Variants in LEF1 observed in about 807,000 individuals in gnomAD.
LEF1 encodes lymphoid enhancer-binding factor 1.
A neutral mutation model predicts 51.2 loss-of-function variants in LEF1; 14 were observed. The observed-to-expected ratio is 0.27, with a 90% CI of 0.18 to 0.43. LEF1 has a LOEUF of 0.43. Ranked by LOEUF, LEF1 falls within the 20% of genes least tolerant of loss-of-function variation. LEF1 has a pLI of 1.00. For missense variants in LEF1, 386 were observed against 512.0 expected (o/e 0.75, Z 2.37); for synonymous variants, 185 against 183.2 (o/e 1.01, Z -0.08).
rs192669164 is a variant in LEF1 at position 108,117,691 on chromosome 4, C to T, written c.415-28434G>A. 3.3e-5 allele frequency among the ~76,000 whole-genome samples: 5 copies of T among 152,302 alleles called. No individual in the cohort carries two copies. In the East Asian group the frequency reaches 9.6e-4, roughly 29 times the overall value. On this transcript the variant is annotated intron_variant, in intron 3 of 11. Coordinates refer to ENST00000265165, the MANE Select transcript of LEF1 (RefSeq NM_016269.5). ...TCAAACGACCTCCTGCTGAGCAGAA[C>T]TGGCCAGAGAGAAGCTTTGCGGGGA...
At chr4:108,073,103 T>C (rs1343118241) in intron 8 of LEF1, among the ~76,000 whole-genome samples, 1 of 152,166 alleles carries the variant, frequency 6.6e-6, no homozygotes, top group Non-Finnish European at 1.5e-5. Flanking sequence ...GCAATATTTA[T>C]GGTAGGGTGC....
intron 3 of LEF1, among the ~76,000 whole-genome samples, chr4:108,101,754 T>C (rs1302161933): frequency 6.6e-6 from 1 of 152,176 alleles, no homozygotes; most frequent in African/African-American, 2.4e-5. Context: ...TATTTTGTAG[T>C]TCTGACACTA....
intron 8 of LEF1, among the ~76,000 whole-genome samples, chr4:108,073,948 C>G (rs1189589269): frequency 6.6e-6 from 1 of 151,980 alleles, no homozygotes; most frequent in East Asian, 1.9e-4. Flanking sequence ...GCCTCAGCCT[C>G]CCTAGTAGCT....
At chr4:108,160,903 C>G (rs573187697) in intron 3 of LEF1, among the ~76,000 whole-genome samples, 5 of 152,240 alleles carry the variant, frequency 3.3e-5, no homozygotes, top group South Asian at 2.1e-4. Context: ...GTCCCTCCCC[C>G]ACCCCAGGTG....
intron 3 of LEF1, among the ~76,000 whole-genome samples, chr4:108,149,698 G>A (rs1446474002): frequency 2.7e-5 from 4 of 149,218 alleles, no homozygotes; most frequent in African/African-American, 9.9e-5. Context: ...TACAACTGAT[G>A]ACACAGACCT....
chr4:108,091,375 CTATCT>C, intron 3 of LEF1, among the ~76,000 whole-genome samples: 1 of 151,754 alleles, frequency 6.6e-6, no homozygotes, highest in Non-Finnish European at 1.5e-5. Flanking sequence ...TTCTTATACC[CTATCT>C]TATAAGAAAA....
intron 3 of LEF1, among the ~76,000 whole-genome samples, chr4:108,097,651 T>C (rs764621945): frequency 1.4e-4 from 21 of 152,144 alleles, no homozygotes; most frequent in Non-Finnish European, 2.6e-4. Flanking sequence ...CTGGACATGA[T>C]TACTACACCT....
chr4:108,083,272 C>A, intron 5 of LEF1, 84 bp downstream of exon 5: 2 of 915,704 alleles, frequency 2.2e-6, no homozygotes, highest in South Asian at 2.6e-5. Flanking sequence ...CAAGTGTTAC[C>A]ATTCATAAAT....
chr4:108,150,708 C>G (rs1744316033), intron 3 of LEF1, among the ~76,000 whole-genome samples: 2 of 152,162 alleles, frequency 1.3e-5, no homozygotes, highest in Non-Finnish European at 2.9e-5. Context: ...ACTTATTAAA[C>G]TCTGGTTGGG....
intron 7 of LEF1, 102 bp from the exon 8 acceptor site, chr4:108,078,484 G>C: frequency 1.4e-6 from 2 of 1,466,802 alleles, no homozygotes; most frequent in African/African-American, 2.8e-5. Context: ...GCTACACTCA[G>C]GATGGCGACA....
chr4:108,135,400 A>G (rs1047087161), intron 3 of LEF1, among the ~76,000 whole-genome samples: 3 of 152,188 alleles, frequency 2.0e-5, no homozygotes, highest in Non-Finnish European at 4.4e-5. Context: ...TTTAGCCTGG[A>G]AGAGTGATAA....
chr4:108,115,836 A>G (rs1184704993), intron 3 of LEF1, among the ~76,000 whole-genome samples: 1 of 118,700 alleles, frequency 8.4e-6, no homozygotes, highest in African/African-American at 3.5e-5. Context: ...TCTGCCTATA[A>G]TGTAACACAT....
intron 8 of LEF1, among the ~76,000 whole-genome samples, chr4:108,077,910 C>T (rs1208594303): frequency 1.3e-5 from 2 of 152,112 alleles, no homozygotes; most frequent in Non-Finnish European, 2.9e-5. Flanking sequence ...CATGGTGGCA[C>T]AACGACTACA....
chr4:108,091,424 C>T (rs1397450471), intron 3 of LEF1, among the ~76,000 whole-genome samples: 1 of 146,616 alleles, frequency 6.8e-6, no homozygotes, highest in Non-Finnish European at 1.5e-5. Flanking sequence ...ATCATTACAA[C>T]CTCCATCCAA....
intron 3 of LEF1, among the ~76,000 whole-genome samples, chr4:108,124,745 C>T (rs1189954366): frequency 6.6e-6 from 1 of 152,168 alleles, no homozygotes; most frequent in Admixed American, 6.5e-5. Context: ...CAGTTTGGGC[C>T]ACCACATAAA....
At chr4:108,130,760 T>C (rs1379499588) in intron 3 of LEF1, among the ~76,000 whole-genome samples, 1 of 151,508 alleles carries the variant, frequency 6.6e-6, no homozygotes, top group African/African-American at 2.4e-5. Context: ...CCAGTTAAAT[T>C]GCTACTAAAT....
At chr4:108,060,801 G>A (rs527766187) in intron 11 of LEF1, among the ~76,000 whole-genome samples, 1 of 151,884 alleles carries the variant, frequency 6.6e-6, no homozygotes, top group Non-Finnish European at 1.5e-5. Flanking sequence ...TGTGAGAATA[G>A]GGACCTTCTT....
intron 11 of LEF1, among the ~76,000 whole-genome samples, chr4:108,059,355 T>C (rs1228472780): frequency 6.6e-6 from 1 of 152,202 alleles, no homozygotes; most frequent in Non-Finnish European, 1.5e-5. Flanking sequence ...TCTTACTTCA[T>C]CACCTAGGTT....
chr4:108,083,065 G>A (rs1203084787), intron 5 of LEF1: 6 of 374,466 alleles, frequency 1.6e-5, no homozygotes, highest in Non-Finnish European at 2.9e-5. Context: ...CACTAACTTT[G>A]TACAGGCATA....
Sources: allele counts gnomAD v4.1 joint callset (sites outside exome capture counted in the v4.1 genomes callset), GRCh38; gene constraint gnomAD v4.1.1; transcripts MANE v1.5; gene names NCBI Gene and HGNC (gene_info 2026-07-23, HGNC 2026-07-21).